Variants in CLNS1A observed in about 807,000 individuals in gnomAD.
CLNS1A encodes chloride nucleotide-sensitive channel 1A, also known as methylosome subunit pICln.
Under a neutral mutation model 29.4 loss-of-function variants are expected in CLNS1A, and 16 were observed. The observed-to-expected ratio is 0.54, with a 90% CI of 0.37 to 0.83. The LOEUF (loss-of-function observed/expected upper bound fraction) is 0.83. Ranked by LOEUF, CLNS1A falls within the 40% of genes least tolerant of loss-of-function variation. The pLI is 0.00. For synonymous variants in CLNS1A, 96 were observed against 104.8 expected (o/e 0.92, Z 0.51); for missense variants, 235 against 287.4 (o/e 0.82, Z 1.32).
At chr11:77,626,616 G>A (rs1270710496) in intron 2 of CLNS1A, among the ~76,000 whole-genome samples, 1 of 151,612 alleles carries the variant, frequency 6.6e-6, no homozygotes, top group Non-Finnish European at 1.5e-5. Flanking sequence ...TCCAGCCTAG[G>A]TGACAGGGTG....
Position 77,616,086 on chromosome 11 carries a change from T to A in CLNS1A, c.*632A>T, listed in dbSNP as rs1958903608. The A allele has an allele frequency of 6.8e-6, 1 of 147,582 alleles. No individual in the cohort carries two copies. Among genetic ancestry groups the A allele is most frequent in the Admixed American group, 6.9e-5 (1 of 14,538 alleles). 9.1% of individuals were successfully genotyped at this position (147,582 alleles called of 1,614,324 possible). ...AAATAAAGCCAACAAAATTCTCATATTTGCCAGCATTATTTTTTAAAAAAC... is the reference window on the plus strand; with the variant it reads ...AAATAAAGCCAACAAAATTCTCATAATTGCCAGCATTATTTTTTAAAAAAC... On this transcript the variant is annotated 3_prime_UTR_variant, in exon 7 of 7. Transcript: ENST00000525428.
At chr11:77,621,035 G>A (rs149208596) in intron 5 of CLNS1A, among the ~76,000 whole-genome samples, 11 of 151,138 alleles carry the variant, frequency 7.3e-5, no homozygotes, top group African/African-American at 2.7e-4. Context: ...AGTGGCTCAC[G>A]CCTGTAATCC....
chr11:77,633,060 C>T (rs1959090500), intron 1 of CLNS1A, among the ~76,000 whole-genome samples: 1 of 136,870 alleles, frequency 7.3e-6, no homozygotes, highest in Non-Finnish European at 1.5e-5. Flanking sequence ...ACACTCAAGC[C>T]TGGGCAACGG....
intron 2 of CLNS1A, among the ~76,000 whole-genome samples, chr11:77,626,250 C>A (rs1233074214): frequency 1.3e-5 from 2 of 152,134 alleles, no homozygotes; most frequent in African/African-American, 2.4e-5. Context: ...CCACACCCTG[C>A]TAATTTTTGT....
Position 77,635,500 on chromosome 11 carries a change from C to T in CLNS1A, c.125+2090G>A, listed in dbSNP as rs139521901. On this transcript the variant is annotated intron_variant, in intron 1 of 6. Coordinates refer to ENST00000525428, the MANE Select transcript of CLNS1A (RefSeq NM_001293.3). ...CCAAGTAGCTGGGATTACAGGTGCA[C>T]GCCACCACACCCGGATAATTTTTGT... Among the ~76,000 whole-genome samples, 191 of 151,832 alleles carry T rather than the reference C, an allele frequency of 1.3e-3. 3 individuals carry two copies. The East Asian group carries it at 0.025, about 20-fold the overall frequency.
At chr11:77,628,646 G>T (rs976099945) in intron 2 of CLNS1A, among the ~76,000 whole-genome samples, 3 of 152,186 alleles carry the variant, frequency 2.0e-5, no homozygotes, top group Non-Finnish European at 4.4e-5. Flanking sequence ...GAATATAAAT[G>T]ATCATATTAT....
At chr11:77,625,692 A>C (rs778260517) in intron 3 of CLNS1A, 25 bp downstream of exon 3, 1 of 1,592,414 alleles carries the variant, frequency 6.3e-7, no homozygotes, top group Admixed American at 1.8e-5. Context: ...TAAAAGGGGA[A>C]GAATCAATAC....
chr11:77,628,517 AATGGCAAGAAT>A (rs2135771626), intron 2 of CLNS1A, among the ~76,000 whole-genome samples: 1 of 152,322 alleles, frequency 6.6e-6, no homozygotes, highest in Non-Finnish European at 1.5e-5. Flanking sequence ...AACCTTTTCC[AATGGCAAGAAT>A]TTGAAATCTT....
chr11:77,637,505 C>T, intron 1 of CLNS1A, 85 bp downstream of exon 1: 2 of 1,476,356 alleles, frequency 1.4e-6, no homozygotes, highest in Non-Finnish European at 1.8e-6. Flanking sequence ...CCAGGCCGCC[C>T]CTTGCCCGGC....
chr11:77,629,856 C>T lies in CLNS1A; in HGVS notation c.169G>A (p.Glu57Lys). 1 of 1,613,848 alleles carries T rather than the reference C, an allele frequency of 6.2e-7. No homozygotes were observed. Among genetic ancestry groups the T allele is most frequent in the African/African-American group, 1.3e-5 (1 of 75,028 alleles). ...LDGSGLGFSL[E>K]YPTISLHALS... ...GCATGTAAACTAATGGTGGGGTATTCCAGTGAGAATCCTAATCCAGAGCCA... is the reference window on the plus strand; with the variant it reads ...GCATGTAAACTAATGGTGGGGTATTTCAGTGAGAATCCTAATCCAGAGCCA... The change falls in exon 2 of 7, where the codon GAA (glutamate) becomes AAA (lysine). Residue 57 changes from glutamate (E) to lysine (K), a missense_variant. Coordinates refer to ENST00000525428, the MANE Select transcript of CLNS1A (RefSeq NM_001293.3).
At chr11:77,625,945 G>T in intron 2 of CLNS1A, 127 bp from the exon 3 acceptor site, 1 of 890,406 alleles carries the variant, frequency 1.1e-6, no homozygotes, top group Non-Finnish European at 1.7e-6. Context: ...TCCAATTATG[G>T]TTGAAAAATT....
At chr11:77,617,774 C>A (rs1235394896) in intron 6 of CLNS1A, among the ~76,000 whole-genome samples, 1 of 151,728 alleles carries the variant, frequency 6.6e-6, no homozygotes, top group South Asian at 2.1e-4. Context: ...AAAAATTAGC[C>A]AGGCGTGGTG....
intron 4 of CLNS1A, among the ~76,000 whole-genome samples, chr11:77,624,087 G>A (rs1317464419): frequency 6.6e-6 from 1 of 152,140 alleles, no homozygotes; most frequent in African/African-American, 2.4e-5. Flanking sequence ...ATATGGCAAA[G>A]CCCAGTCTTT....
At chr11:77,618,126 T>A (rs1020749151) in intron 6 of CLNS1A, among the ~76,000 whole-genome samples, 1 of 152,180 alleles carries the variant, frequency 6.6e-6, no homozygotes, top group Non-Finnish European at 1.5e-5. Flanking sequence ...AATGAGTTTC[T>A]CATGATTCTG....
chr11:77,624,416 C>A (rs1341455050), intron 4 of CLNS1A, among the ~76,000 whole-genome samples: 6 of 152,176 alleles, frequency 3.9e-5, no homozygotes, highest in African/African-American at 1.4e-4. Flanking sequence ...CTCCCATATG[C>A]TCTACTTACC....
At chr11:77,634,723 CAA>C (rs763196921) in intron 1 of CLNS1A, among the ~76,000 whole-genome samples, 27 of 54,068 alleles carry the variant, frequency 5.0e-4, no homozygotes, top group Admixed American at 5.4e-4. Context: ...GACTCTGTCT[CAA>C]AAAAAAAAAA....
chr11:77,625,480 C>T, intron 3 of CLNS1A: 1 of 494,436 alleles, frequency 2.0e-6, no homozygotes, highest in East Asian at 3.3e-5. Context: ...AGAGTCCACT[C>T]ACAAAATATA....
chr11:77,636,955 G>A (rs150699619), intron 1 of CLNS1A, among the ~76,000 whole-genome samples: 16 of 152,132 alleles, frequency 1.1e-4, no homozygotes, highest in Non-Finnish European at 1.8e-4. Flanking sequence ...CAAATAAAAG[G>A]GCAATTCCTT....
chr11:77,633,286 T>G (rs1458703666), intron 1 of CLNS1A, among the ~76,000 whole-genome samples: 1 of 152,158 alleles, frequency 6.6e-6, no homozygotes, highest in African/African-American at 2.4e-5. Context: ...CTGGGATGAT[T>G]GTAATAAATC....
Sources: allele counts gnomAD v4.1 joint callset (sites outside exome capture counted in the v4.1 genomes callset), GRCh38; gene constraint gnomAD v4.1.1; transcripts MANE v1.5; gene names NCBI Gene and HGNC (gene_info 2026-07-23, HGNC 2026-07-21).